PDE5A: variants seen among roughly 807,000 people sequenced by gnomAD.
The protein encoded by PDE5A is cGMP-specific 3',5'-cyclic phosphodiesterase.
Under a neutral mutation model 110.2 loss-of-function variants are expected in PDE5A, and 67 were observed. The observed-to-expected ratio is 0.61, with a 90% CI of 0.50 to 0.75. PDE5A has a LOEUF of 0.75. PDE5A is among the 30% of genes least tolerant of loss of function. The pLI, the probability that PDE5A is intolerant of heterozygous loss-of-function variation, is 0.00. For missense variants in PDE5A, 862 were observed against 1,045.1 expected (o/e 0.82, Z 2.42); for synonymous variants, 328 against 351.2 (o/e 0.93, Z 0.74).
chr4:119,518,430 A>G (rs1031871197), intron 14 of PDE5A, among the ~76,000 whole-genome samples: 3 of 152,242 alleles, frequency 2.0e-5, no homozygotes, highest in African/African-American at 7.2e-5. Flanking sequence ...CTCACTCTCA[A>G]ACTCAGTCAA....
chr4:119,618,109 T>C (rs1438557445), intron 1 of PDE5A, among the ~76,000 whole-genome samples: 1 of 152,156 alleles, frequency 6.6e-6, no homozygotes, highest in East Asian at 1.9e-4. Context: ...ACTTAGGCTT[T>C]AACCCCAGAA....
At chr4:119,551,681 CTTTTCT>C (rs1727360766) in intron 9 of PDE5A, among the ~76,000 whole-genome samples, 1 of 121,718 alleles carries the variant, frequency 8.2e-6, no homozygotes, top group Non-Finnish European at 1.7e-5. Flanking sequence ...TAATATCTGT[CTTTTCT>C]TTTTCTATTT....
chr4:119,525,659 T>C lies in PDE5A; in HGVS notation c.1669A>G (p.Thr557Ala). 6.2e-7 allele frequency: 1 copy of C among 1,613,066 alleles called. No homozygotes were observed. Among genetic ancestry groups the C allele is most frequent in the East Asian group, 2.2e-5 (1 of 44,826 alleles). The change falls in exon 12 of 21, where the codon ACT becomes GCT. Residue 557 changes from threonine to alanine, a missense_variant. Physicochemically the swap from Thr to Ala is moderately conservative, Grantham distance 58 (BLOSUM62 0). Coordinates refer to ENST00000354960, the MANE Select transcript of PDE5A (RefSeq NM_001083.4). The surrounding 1 kb of genome is among the most constrained non-coding windows in gnomAD (Gnocchi z 4.3). ...TCAAAGTCACTGAAGCTAAAGTCAG[T>C]AATTTTAAGGGTCTGGGCAGATGGC... ...VVPSAQTLKI[T>A]DFSFSDFELS...
intron 9 of PDE5A, among the ~76,000 whole-genome samples, chr4:119,551,546 G>T (rs1317953050): frequency 6.6e-6 from 1 of 152,152 alleles, no homozygotes; most frequent in Non-Finnish European, 1.5e-5. Context: ...TGCATCCATT[G>T]CACCTAGTGA....
intron 11 of PDE5A, chr4:119,538,717 G>T: frequency 5.2e-6 from 2 of 386,572 alleles, no homozygotes; most frequent in South Asian, 3.9e-5. Context: ...TTTAATTTTG[G>T]CCCCAAAAAG....
chr4:119,531,446 T>A (rs1726537733), intron 11 of PDE5A, among the ~76,000 whole-genome samples: 1 of 151,942 alleles, frequency 6.6e-6, no homozygotes, highest in African/African-American at 2.4e-5. Flanking sequence ...GCTAGCTAAT[T>A]TTTGTATTTT....
intron 1 of PDE5A, among the ~76,000 whole-genome samples, chr4:119,620,752 C>T (rs775018109): frequency 1.4e-4 from 21 of 152,192 alleles, no homozygotes; most frequent in Admixed American, 2.0e-4. Flanking sequence ...TTACCAACTA[C>T]TGCCCTGCAA....
chr4:119,596,173 C>A (rs1301470779), intron 3 of PDE5A, among the ~76,000 whole-genome samples: 2 of 151,954 alleles, frequency 1.3e-5, no homozygotes, highest in Non-Finnish European at 2.9e-5. Flanking sequence ...GTTGGATGAG[C>A]ATTTATGAAT....
At chr4:119,506,320 G>A (rs1254166169) in intron 16 of PDE5A, among the ~76,000 whole-genome samples, 1 of 151,688 alleles carries the variant, frequency 6.6e-6, no homozygotes, top group East Asian at 1.9e-4. Flanking sequence ...TTTCATGGTA[G>A]GGGATAAAAA....
At chr4:119,535,644 C>T (rs974716522) in intron 11 of PDE5A, among the ~76,000 whole-genome samples, 1 of 152,060 alleles carries the variant, frequency 6.6e-6, no homozygotes, top group East Asian at 1.9e-4. Flanking sequence ...CTCAGTTTAA[C>T]ACCTAATTTA....
chr4:119,604,500 G>A (rs1001413828), intron 2 of PDE5A, among the ~76,000 whole-genome samples: 3 of 152,148 alleles, frequency 2.0e-5, no homozygotes, highest in Non-Finnish European at 4.4e-5. Context: ...CAATCCTTCA[G>A]CTGTGTCCTT....
At position 119,627,460 on chromosome 4, in the gene PDE5A, C is replaced by A. The variant is rs1441894245; in HGVS notation, c.152+1060G>T. 1 of 218,230 alleles carries A rather than the reference C, an allele frequency of 4.6e-6. No individual in the cohort carries two copies. Among genetic ancestry groups the A allele is most frequent in the Non-Finnish European group, 7.8e-6 (1 of 128,442 alleles). 13.5% of individuals were successfully genotyped at this position (218,230 alleles called of 1,614,324 possible). A position where few individuals can be genotyped will look rare whatever the true frequency, so the allele number is the denominator to read the frequency against. ...GACCATCACTGCCGGGCGTGTGTCA[C>A]CCTCCCGGCCAAGACGGCCAGCACC... On this transcript the variant is annotated intron_variant, in intron 1 of 20. Transcript: ENST00000354960. This position sits in a 1 kb window ranked among gnomAD's most constrained non-coding sequence, Gnocchi z 4.6.
chr4:119,621,210 A>C (rs538398892), intron 1 of PDE5A, among the ~76,000 whole-genome samples: 1 of 152,364 alleles, frequency 6.6e-6, no homozygotes, highest in East Asian at 1.9e-4. Flanking sequence ...GTTATGGTAG[A>C]CATCTAGAAC....
chr4:119,528,826 T>A (rs1726422528), intron 11 of PDE5A: 1 of 152,180 alleles, frequency 6.6e-6, no homozygotes. Context: ...GACTTTCCTG[T>A]ACAGGGCCTA....
intron 1 of PDE5A, among the ~76,000 whole-genome samples, chr4:119,612,785 A>T (rs949423223): frequency 6.6e-6 from 1 of 152,188 alleles, no homozygotes; most frequent in Non-Finnish European, 1.5e-5. Flanking sequence ...ACTGTGAGCA[A>T]CAAATTTGTG....
At chr4:119,585,907 T>G (rs768962761) in intron 3 of PDE5A, among the ~76,000 whole-genome samples, 1 of 152,192 alleles carries the variant, frequency 6.6e-6, no homozygotes, top group Non-Finnish European at 1.5e-5. Context: ...GAGCAACTTA[T>G]GAAGAGCCCA....
intron 19 of PDE5A, 67 bp downstream of exon 19, chr4:119,502,514 A>G: frequency 1.1e-6 from 1 of 897,258 alleles, no homozygotes; most frequent in Non-Finnish European, 1.8e-6. Context: ...ATAGAGCCAT[A>G]AAAAGGAGTC....
chr4:119,588,420 A>T (rs1578803540), intron 3 of PDE5A, among the ~76,000 whole-genome samples: 1 of 149,186 alleles, frequency 6.7e-6, no homozygotes, highest in Admixed American at 6.7e-5. Context: ...CGAGTGATCC[A>T]CCCCCCTTAG....
At chr4:119,541,381 A>G (rs1726922123) in intron 10 of PDE5A, among the ~76,000 whole-genome samples, 1 of 151,722 alleles carries the variant, frequency 6.6e-6, no homozygotes, top group African/African-American at 2.4e-5. Flanking sequence ...CTATTTGAAC[A>G]CATATGTACA....
Sources: gnomAD v4.1 joint callset for allele counts (sites outside exome capture counted in the v4.1 genomes callset) on GRCh38, gnomAD v4.1.1 for gene constraint, Gnocchi (gnomAD v3.1) non-coding constraint, MANE v1.5 for transcripts, NCBI Gene and HGNC (gene_info 2026-07-23, HGNC 2026-07-21) for gene names.